Variants in CLRN1 observed in about 807,000 individuals in gnomAD.
The protein encoded by CLRN1 is clarin 1, also known as clarin-1.
In CLRN1, 15 loss-of-function variants were observed where a neutral mutation model predicts 18.7. That is an observed-to-expected ratio of 0.80 (90% CI 0.54 to 1.23). The LOEUF (loss-of-function observed/expected upper bound fraction) is 1.23, where lower values mean the gene tolerates loss of function less well. Ranked by LOEUF, CLRN1 falls within the 50% of genes most tolerant of loss-of-function variation. The pLI, the probability that CLRN1 is intolerant of heterozygous loss-of-function variation, is 0.00. For missense variants in CLRN1, 311 were observed against 277.5 expected (o/e 1.12, Z -0.86); for synonymous variants, 104 against 102.9 (o/e 1.01, Z -0.07).
Position 150,926,868 on chromosome 3 carries a change from G to C in CLRN1, c.*1068C>G. ...GTTCCAGGCTCAGCTGTGGCCTTTAGTCAGCTGCAGATCAATTTGATGGGT... is the reference window on the plus strand; with the variant it reads ...GTTCCAGGCTCAGCTGTGGCCTTTACTCAGCTGCAGATCAATTTGATGGGT... On this transcript the variant is annotated 3_prime_UTR_variant, in exon 3 of 3. Coordinates refer to ENST00000327047, the MANE Select transcript of CLRN1 (RefSeq NM_174878.3). The C allele has an allele frequency of 6.2e-7, 1 of 1,614,078 alleles. No individual in the cohort carries two copies. The highest frequency in any genetic ancestry group is 8.5e-7 in the Non-Finnish European group (1 of 1,180,004).
intron 1 of CLRN1, among the ~76,000 whole-genome samples, chr3:150,960,937 G>A (rs1034458819): frequency 6.6e-6 from 1 of 152,260 alleles, no homozygotes; most frequent in Non-Finnish European, 1.5e-5. Context: ...CAGTTGGTGA[G>A]CAGGCTCCTG....
At chr3:150,949,744 C>G (rs983887513) in intron 1 of CLRN1, among the ~76,000 whole-genome samples, 4 of 151,904 alleles carry the variant, frequency 2.6e-5, no homozygotes, top group Non-Finnish European at 5.9e-5. Context: ...TAGGAAGAAT[C>G]AATATCATTA....
chr3:150,965,490 A>G (rs1437060588), intron 1 of CLRN1, among the ~76,000 whole-genome samples: 2 of 152,160 alleles, frequency 1.3e-5, no homozygotes, highest in South Asian at 2.1e-4. Flanking sequence ...TATGATTCTC[A>G]AAGTCTAATC....
chr3:150,928,310 C>T, intron 2 of CLRN1, 109 bp from the exon 3 acceptor site: 1 of 1,316,564 alleles, frequency 7.6e-7, no homozygotes, highest in Non-Finnish European at 1.1e-6. Context: ...TCCCCATTGA[C>T]ATTATCCACA....
chr3:150,930,985 A>C (rs1184322447), intron 2 of CLRN1, among the ~76,000 whole-genome samples: 1 of 152,204 alleles, frequency 6.6e-6, no homozygotes, highest in Non-Finnish European at 1.5e-5. Context: ...GGACAGTCTG[A>C]GATCTTGCTC....
Position 150,940,384 on chromosome 3 carries a change from A to G in CLRN1, c.433+1198T>C, listed in dbSNP as rs991648443. On this transcript the variant is annotated intron_variant, in intron 2 of 2. Transcript: ENST00000327047. ...CACTGCAAGTGACCTCCTGTTAACT[A>G]CAGGCCTTTGTTTTATAGAGAGAGA... 7.2e-5 allele frequency: 78 copies of G among 1,082,478 alleles called. 1 individual carries two copies. Among genetic ancestry groups the G allele is most frequent in the Admixed American group, 2.4e-4 (9 of 37,328 alleles). The allele number at this position is 1,082,478 out of a possible 1,614,324, so 67.1% of individuals were successfully genotyped here.
chr3:150,940,430 T>G (rs1418131350), intron 2 of CLRN1: 1 of 1,489,170 alleles, frequency 6.7e-7, no homozygotes, highest in African/African-American at 1.4e-5. Flanking sequence ...CGTTTGTGGT[T>G]GGGGTTGAAT....
At chr3:150,942,780 C>T (rs1384879432) in intron 1 of CLRN1, 8 of 268,636 alleles carry the variant, frequency 3.0e-5, no homozygotes, top group Non-Finnish European at 5.2e-5. Flanking sequence ...TCATTTTTCT[C>T]CAATGCCTTT....
chr3:150,949,505 C>G (rs1714373901), intron 1 of CLRN1, among the ~76,000 whole-genome samples: 1 of 152,166 alleles, frequency 6.6e-6, no homozygotes, highest in African/African-American at 2.4e-5. Flanking sequence ...ATAACTTCAG[C>G]AAAGTCTCAG....
rs151294808 is a variant in CLRN1, at chr3:150,966,295, C to A, written c.253+6161G>T. Among the ~76,000 whole-genome samples, 31 of 152,336 alleles carry A rather than the reference C, an allele frequency of 2.0e-4. 1 individual carries two copies. The East Asian group carries it at 5.8e-3, about 28-fold the overall frequency. On this transcript the variant is annotated intron_variant, in intron 1 of 2. Transcript: ENST00000327047. ...CACCACTGCACTCCAGGCTGGACGA[C>A]AGAGTGAGACCCAGTCTCAAAACAA... is the stretch of plus-strand genomic sequence containing the variant.
At chr3:150,969,311 A>G (rs572848118) in intron 1 of CLRN1, among the ~76,000 whole-genome samples, 6 of 59,862 alleles carry the variant, frequency 1.0e-4, no homozygotes, top group African/African-American at 3.7e-4. Context: ...ATATATATAT[A>G]TATTTTTTTT....
chr3:150,955,289 G>T (rs1025629453), intron 1 of CLRN1, among the ~76,000 whole-genome samples: 1 of 152,156 alleles, frequency 6.6e-6, no homozygotes, highest in African/African-American at 2.4e-5. Context: ...GGGAGTGATG[G>T]GTGTGTTCTA....
chr3:150,928,123 T>C lies in CLRN1; in HGVS notation c.512A>G (p.Tyr171Cys), dbSNP rs1331397161. Residue 171 changes from tyrosine (Y) to cysteine (C), a missense_variant, in exon 3 of 3, where the codon TAT (tyrosine) becomes TGT (cysteine). By Grantham distance (194) the Tyr-to-Cys change is radical. Transcript: ENST00000327047. Reference protein sequence around the residue: ...IHHLSEKIANYKEGTYVYKTQ... With the variant: ...IHHLSEKIANCKEGTYVYKTQ... ...TTTGTAGACATAAGTCCCTTCTTTA[T>C]AATTTGCAATTTTTTCTGAGAGGTG... 2 of 1,613,462 alleles carry C rather than the reference T, an allele frequency of 1.2e-6. No individual in the cohort carries two copies. The highest frequency in any genetic ancestry group is 3.3e-5 in the Admixed American group (2 of 59,852).
At position 150,941,746 on chromosome 3, in the gene CLRN1, A is replaced by T. The variant is rs1164747768; in HGVS notation, c.269T>A (p.Leu90His). ...PFRFSFFPDL[L>H]KAIPVSIHVN... Reference sequence around the variant, plus strand: ...GTGGATGCTCACTGGGATTGCTTTGAGCAAATCTGGAAAAACTGAAGATAA... The same window carrying T: ...GTGGATGCTCACTGGGATTGCTTTGTGCAAATCTGGAAAAACTGAAGATAA... Residue 90 changes from leucine to histidine, a missense_variant, in exon 2 of 3, where the codon CTC (leucine) becomes CAC (histidine). Coordinates refer to ENST00000327047, the MANE Select transcript of CLRN1 (RefSeq NM_174878.3). The T allele has an allele frequency of 6.2e-7, 1 of 1,614,042 alleles. No homozygotes were observed. The highest frequency in any genetic ancestry group is 8.5e-7 in the Non-Finnish European group (1 of 1,179,908).
rs1197420532 is a variant in CLRN1, at chr3:150,972,543, T to C, written c.166A>G (p.Lys56Glu). 1 of 1,614,070 alleles carries C rather than the reference T, an allele frequency of 6.2e-7. No homozygotes were observed. The highest frequency in any genetic ancestry group is 8.5e-7 in the Non-Finnish European group (1 of 1,180,046). The change falls in exon 1 of 3, where the codon AAG becomes GAG. Residue 56 changes from lysine to glutamate, a missense_variant. Coordinates refer to ENST00000327047, the MANE Select transcript of CLRN1 (RefSeq NM_174878.3). The part of the protein sequence containing the change: ...LVNASGQELD[K>E]FMGEMQYGLF... ...CCGTACTGCATTTCACCCATAAACT[T>C]GTCCAGCTCCTGCCCTGAGGCATTG...
In CLRN1 at chr3:150,926,971, C is replaced by T. The variant is rs569838448; in HGVS notation, c.*965G>A. 119 of 1,588,124 alleles carry T rather than the reference C, an allele frequency of 7.5e-5. No individual in the cohort carries two copies. Among genetic ancestry groups the T allele is most frequent in the East Asian group, 4.5e-4 (20 of 44,568 alleles). On this transcript the variant is annotated 3_prime_UTR_variant, in exon 3 of 3. Transcript: ENST00000327047. Reference sequence around the variant, plus strand: ...CAAGACCAAGATGATACAGTGATACCGTCATAATCCCAGATTTAATATAAT... The same window carrying T: ...CAAGACCAAGATGATACAGTGATACTGTCATAATCCCAGATTTAATATAAT...
chr3:150,948,214 G>A lies in CLRN1; in HGVS notation c.254-6453C>T, dbSNP rs528757629. ...CACAATTAGAAATGGGCCGGGCGCGGTGGCTCACGCCTGTAATCCCAGCAC... is the reference window on the plus strand; with the variant it reads ...CACAATTAGAAATGGGCCGGGCGCGATGGCTCACGCCTGTAATCCCAGCAC... On this transcript the variant is annotated intron_variant, in intron 1 of 2. Transcript: ENST00000327047. 4.3e-4 allele frequency among the ~76,000 whole-genome samples: 66 copies of A among 151,766 alleles called. 1 individual carries two copies. Among genetic ancestry groups the A allele is most frequent in the African/African-American group, 1.5e-3 (63 of 41,342 alleles).
chr3:150,937,494 GTGTGA>G (rs1713562213), intron 2 of CLRN1, among the ~76,000 whole-genome samples: 1 of 152,194 alleles, frequency 6.6e-6, no homozygotes, highest in South Asian at 2.1e-4. Context: ...AATTAGTGTT[GTGTGA>G]GACCTGAGAT....
intron 1 of CLRN1, among the ~76,000 whole-genome samples, chr3:150,956,945 T>C (rs1484166333): frequency 1.3e-5 from 2 of 152,124 alleles, no homozygotes; most frequent in Non-Finnish European, 2.9e-5. Flanking sequence ...ACTCTCTCAT[T>C]TCACAGAGAA....
Sources: allele counts gnomAD v4.1 joint callset (sites outside exome capture counted in the v4.1 genomes callset), GRCh38; gene constraint gnomAD v4.1.1; transcripts MANE v1.5; gene names NCBI Gene and HGNC (gene_info 2026-07-23, HGNC 2026-07-21).